The following GALNT13 variants were observed in gnomAD, a reference collection of about 807,000 sequenced individuals.
The protein encoded by GALNT13 is UDP-GalNAc:polypeptide N-acetylgalactosaminyltransferase 13.
In GALNT13, 28 loss-of-function variants were observed where a neutral mutation model predicts 64.2. That is an observed-to-expected ratio of 0.44 (90% CI 0.32 to 0.60). GALNT13 has a LOEUF of 0.60. GALNT13 is among the 20% of genes least tolerant of loss of function. The probability of loss-of-function intolerance (pLI) is 0.05; values close to 1 mark genes in which losing one functional copy is unlikely to be tolerated. For synonymous variants in GALNT13, 214 were observed against 224.6 expected (o/e 0.95, Z 0.42); for missense variants, 577 against 669.8 (o/e 0.86, Z 1.53).
the GALNT13 span, among the ~76,000 whole-genome samples, chr2:153,712,751 C>A: frequency 6.6e-6 from 1 of 152,164 alleles, no homozygotes; most frequent in Non-Finnish European, 1.5e-5. Context: ...GTCTTTCAAG[C>A]CATGGCCATC....
the GALNT13 span, among the ~76,000 whole-genome samples, chr2:153,132,314 C>T: frequency 0.26 from 40,187 of 152,026 alleles, 5,481 homozygotes; most frequent in East Asian, 0.35. Flanking sequence ...TGTTCCCCTC[C>T]TACTCCAGGT....
chr2:154,122,600 C>G (rs1200874026), intron 3 of GALNT13, among the ~76,000 whole-genome samples: 1 of 151,916 alleles, frequency 6.6e-6, no homozygotes, highest in Non-Finnish European at 1.5e-5. Context: ...ACTTCTACAA[C>G]AGGTATAGGA....
the GALNT13 span, among the ~76,000 whole-genome samples, chr2:153,507,489 C>T: frequency 2.6e-5 from 4 of 152,008 alleles, no homozygotes; most frequent in South Asian, 8.3e-4. Flanking sequence ...CCATATTGGC[C>T]AGGATGGTCT....
At chr2:154,438,183 T>C (rs1216819541) in intron 11 of GALNT13, among the ~76,000 whole-genome samples, 1 of 151,740 alleles carries the variant, frequency 6.6e-6, no homozygotes, top group Non-Finnish European at 1.5e-5. Context: ...TAAACTTCTA[T>C]ATGAAAAAAT....
chr2:153,465,191 G>A, the GALNT13 span, among the ~76,000 whole-genome samples: 1 of 152,064 alleles, frequency 6.6e-6, no homozygotes, highest in African/African-American at 2.4e-5. Context: ...CATTACTCTT[G>A]TTGGAAATTT....
At chr2:154,386,835 C>A (rs1241887498) in intron 9 of GALNT13, among the ~76,000 whole-genome samples, 1 of 152,050 alleles carries the variant, frequency 6.6e-6, no homozygotes, top group Admixed American at 6.6e-5. Flanking sequence ...AATATGAGAT[C>A]TTTATTGTCA....
At chr2:153,827,883 G>A in the GALNT13 span, among the ~76,000 whole-genome samples, 1 of 152,220 alleles carries the variant, frequency 6.6e-6, no homozygotes, top group East Asian at 1.9e-4. Context: ...TAGATACAAT[G>A]GGTGTACAGG....
At chr2:153,529,506 C>G in the GALNT13 span, among the ~76,000 whole-genome samples, 1 of 151,888 alleles carries the variant, frequency 6.6e-6, no homozygotes, top group African/African-American at 2.4e-5. Context: ...AATACCAATC[C>G]TACTCAAACT....
At chr2:153,300,242 C>T in the GALNT13 span, among the ~76,000 whole-genome samples, 2 of 152,206 alleles carry the variant, frequency 1.3e-5, no homozygotes, top group South Asian at 4.1e-4. Context: ...AGGTTCCCCA[C>T]TTTCTTCTCT....
chr2:154,408,966 T>G lies in GALNT13; in HGVS notation c.1297-18T>G. 6.8e-7 allele frequency: 1 copy of G among 1,478,348 alleles called. No homozygotes were observed. Among genetic ancestry groups the G allele is most frequent in the Non-Finnish European group, 9.4e-7 (1 of 1,058,656 alleles). The allele number at this position is 1,478,348 out of a possible 1,614,324, so 91.6% of individuals were successfully genotyped here. ...CTGATTTATGTTTTATCCCCCCCCT[T>G]TTGTGTGTTTCCTTTAGATAAGAAA... On this transcript the variant is annotated intron_variant, in intron 10 of 12. Coordinates refer to ENST00000392825, the MANE Select transcript of GALNT13 (RefSeq NM_052917.4).
chr2:153,389,242 C>T, the GALNT13 span, among the ~76,000 whole-genome samples: 1 of 152,042 alleles, frequency 6.6e-6, no homozygotes, highest in Non-Finnish European at 1.5e-5. Flanking sequence ...GCTACAGTCC[C>T]CTGCTGATAT....
the GALNT13 span, among the ~76,000 whole-genome samples, chr2:153,491,775 C>T: frequency 4.6e-5 from 7 of 151,930 alleles, no homozygotes; most frequent in African/African-American, 1.7e-4. Flanking sequence ...TGCCAGCCAC[C>T]GTGCCCAACT....
intron 4 of GALNT13, among the ~76,000 whole-genome samples, chr2:154,179,557 T>C (rs1685843730): frequency 6.6e-6 from 1 of 152,146 alleles, no homozygotes. Flanking sequence ...ATATCAACTC[T>C]GAAAGCAGCC....
chr2:153,887,567 C>A (rs1036646248), intron 1 of GALNT13, among the ~76,000 whole-genome samples: 2 of 151,692 alleles, frequency 1.3e-5, no homozygotes, highest in Non-Finnish European at 2.9e-5. Flanking sequence ...AAGGTGCATT[C>A]ATTTCATGAT....
chr2:154,108,083 T>A (rs2105480056), intron 3 of GALNT13, among the ~76,000 whole-genome samples: 1 of 152,268 alleles, frequency 6.6e-6, no homozygotes, highest in Middle Eastern at 3.4e-3. Flanking sequence ...GACATTCCTT[T>A]GACAAATTCA....
At chr2:153,302,174 T>G in the GALNT13 span, among the ~76,000 whole-genome samples, 1 of 152,192 alleles carries the variant, frequency 6.6e-6, no homozygotes, top group Non-Finnish European at 1.5e-5. Context: ...CACCAAAAAG[T>G]GTGCAACAGC....
the GALNT13 span, among the ~76,000 whole-genome samples, chr2:153,188,767 G>T: frequency 6.6e-6 from 1 of 151,916 alleles, no homozygotes; most frequent in Non-Finnish European, 1.5e-5. Context: ...TGCAATATTT[G>T]TTTTTTTCTA....
At chr2:153,818,450 G>A in the GALNT13 span, among the ~76,000 whole-genome samples, 16 of 152,250 alleles carry the variant, frequency 1.1e-4, no homozygotes, top group African/African-American at 3.9e-4. Flanking sequence ...TCTGAACACC[G>A]GGGACAGTTC....
chr2:153,619,873 T>C, the GALNT13 span, among the ~76,000 whole-genome samples: 1 of 152,124 alleles, frequency 6.6e-6, no homozygotes, highest in African/African-American at 2.4e-5. Flanking sequence ...TTACAATCCT[T>C]TTTTAAAAAT....
Sources: gnomAD v4.1 joint callset for allele counts (sites outside exome capture counted in the v4.1 genomes callset) on GRCh38, gnomAD v4.1.1 for gene constraint, MANE v1.5 for transcripts, NCBI Gene and HGNC (gene_info 2026-07-23, HGNC 2026-07-21) for gene names.